The following PRKDC variants were observed in gnomAD, a reference collection of about 807,000 sequenced individuals.
PRKDC encodes the protein protein kinase, DNA-activated, catalytic subunit, also known as DNA-dependent protein kinase catalytic subunit.
PRKDC carries 82 observed loss-of-function variants against 486.9 expected under a neutral mutation model. The observed-to-expected ratio is 0.17, with a 90% CI of 0.14 to 0.20. PRKDC has a LOEUF of 0.20. Ranked by LOEUF, PRKDC falls within the 10% of genes least tolerant of loss-of-function variation. The pLI is 1.00. For synonymous variants in PRKDC, 1,895 were observed against 1,837.0 expected (o/e 1.03, Z -0.81); for missense variants, 4,504 against 5,038.2 (o/e 0.89, Z 3.21).
At chr8:47,781,117 C>A (rs2086691885) in intron 80 of PRKDC, among the ~76,000 whole-genome samples, 1 of 152,204 alleles carries the variant, frequency 6.6e-6, no homozygotes, top group Non-Finnish European at 1.5e-5. Flanking sequence ...CGCTACCATT[C>A]CATCCCACAA....
chr8:47,889,259 C>A, intron 32 of PRKDC, 37 bp from the exon 33 acceptor site: 1 of 1,529,000 alleles, frequency 6.5e-7, no homozygotes, highest in Non-Finnish European at 8.8e-7. Context: ...CTTCGTCAGC[C>A]AGCACTTCTA....
chr8:47,957,414 C>A lies in PRKDC; in HGVS notation c.172G>T (p.Val58Phe). ...AGCAAACCGAAATCTCTGGAAAAAA[C>A]TAAAGATGTCTGTAATGCTGTTCAA... ...PAVLALQTSL[V>F]FSRDFGLLVF... Residue 58 changes from valine (V) to phenylalanine (F), a missense_variant, in exon 2 of 86, where the codon GTT (valine) becomes TTT (phenylalanine). By Grantham distance (50) the Val-to-Phe change is conservative. Around this residue, in one of 6 missense-constraint regions of PRKDC, gnomAD observed 145 missense variants for 136.3 expected, o/e 1.06. Coordinates refer to ENST00000314191, the MANE Select transcript of PRKDC (RefSeq NM_006904.7). The A allele has an allele frequency of 6.3e-7, 1 of 1,584,830 alleles. No individual in the cohort carries two copies. Among genetic ancestry groups the A allele is most frequent in the Non-Finnish European group, 8.6e-7 (1 of 1,164,406 alleles).
intron 1 of PRKDC, among the ~76,000 whole-genome samples, chr8:47,957,645 G>A (rs2090728926): frequency 6.6e-6 from 1 of 152,120 alleles, no homozygotes; most frequent in South Asian, 2.1e-4. Context: ...CAAGTAGCTG[G>A]GACTAAAGGT....
chr8:47,834,058 G>C, intron 59 of PRKDC, 138 bp downstream of exon 59: 1 of 1,105,334 alleles, frequency 9.0e-7, no homozygotes, highest in Non-Finnish European at 1.3e-6. Context: ...GAGTGCCTAG[G>C]CAACATTAAC....
intron 7 of PRKDC, among the ~76,000 whole-genome samples, chr8:47,945,225 C>T (rs2090512423): frequency 6.6e-6 from 1 of 152,184 alleles, no homozygotes; most frequent in Non-Finnish European, 1.5e-5. Flanking sequence ...CCTGTAGAAG[C>T]ATGGTCTTGT....
At chr8:47,798,807 GTCTC>G (rs1363154851) in intron 72 of PRKDC, among the ~76,000 whole-genome samples, 12 of 152,110 alleles carry the variant, frequency 7.9e-5, no homozygotes, top group Non-Finnish European at 1.3e-4. Flanking sequence ...AGAGGCCATT[GTCTC>G]TCTCTTTTTT....
At chr8:47,918,746 C>G (rs758591987) in intron 21 of PRKDC, among the ~76,000 whole-genome samples, 1 of 152,122 alleles carries the variant, frequency 6.6e-6, no homozygotes, top group Non-Finnish European at 1.5e-5. Context: ...ATCCACAAAT[C>G]TTACTAATAC....
chr8:47,860,858 A>G (rs999108539), intron 45 of PRKDC, 41 bp downstream of exon 45: 1 of 1,479,584 alleles, frequency 6.8e-7, no homozygotes, highest in African/African-American at 1.4e-5. Flanking sequence ...AAAATAACCC[A>G]TCGATTTGAA....
intron 54 of PRKDC, among the ~76,000 whole-genome samples, chr8:47,846,172 T>C (rs745414018): frequency 1.3e-5 from 2 of 152,122 alleles, no homozygotes; most frequent in South Asian, 2.1e-4. Flanking sequence ...TCCTAGCACT[T>C]TGGGAAGCTG....
intron 11 of PRKDC, among the ~76,000 whole-genome samples, chr8:47,936,980 G>A (rs1027483639): frequency 6.6e-6 from 1 of 150,990 alleles, no homozygotes; most frequent in Non-Finnish European, 1.5e-5. Context: ...CTGGCCGGGT[G>A]CGGCGGCCCA....
intron 34 of PRKDC, 79 bp from the exon 35 acceptor site, chr8:47,887,784 A>T: frequency 4.2e-6 from 6 of 1,422,962 alleles, no homozygotes; most frequent in Non-Finnish European, 5.6e-6. Context: ...CTCATTAAAT[A>T]AAAAACCCAC....
chr8:47,874,106 G>C (rs912595812), intron 40 of PRKDC, among the ~76,000 whole-genome samples: 1 of 151,312 alleles, frequency 6.6e-6, no homozygotes, highest in Non-Finnish European at 1.5e-5. Context: ...ACCACGCCCG[G>C]CTAATTTTTT....
chr8:47,863,965 G>GAT (rs1274326912), intron 41 of PRKDC, among the ~76,000 whole-genome samples: 1 of 152,152 alleles, frequency 6.6e-6, no homozygotes, highest in Non-Finnish European at 1.5e-5. Context: ...GAGGCTGAGT[G>GAT]ATACATCCTG....
rs1291037783 is a variant in PRKDC at position 47,855,395 on chromosome 8, G to T, written c.6610-22C>A. 3.2e-6 allele frequency: 5 copies of T among 1,559,994 alleles called. No individual in the cohort carries two copies. The East Asian group carries it at 6.9e-5, about 21-fold the overall frequency. ...CCCCCTGAAAAGGTACAGAAATTCT[G>T]TATTAATATGCGGCATTCCATTCTG... is the stretch of plus-strand genomic sequence containing the variant. On this transcript the variant is annotated intron_variant, in intron 49 of 85. Transcript: ENST00000314191.
Position 47,836,496 on chromosome 8 carries a change from C to T in PRKDC, c.7793G>A (p.Arg2598Gln), listed in dbSNP as rs55923149. The change falls in exon 58 of 86, where the codon CGA (arginine) becomes CAA (glutamine). Residue 2598 changes from arginine (R) to glutamine (Q), a missense_variant. By Grantham distance (43) the Arg-to-Gln change is conservative. Transcript: ENST00000314191. ...EYTIDSDWRF[R>Q]STVLTPMFVE... ...AAACATCGGAGTGAGAACAGTACTT[C>T]GGAAACGCCAATCAGAATCAATGGT... The T allele has an allele frequency of 1.9e-5, 30 of 1,607,110 alleles. No homozygotes were observed. Among genetic ancestry groups the T allele is most frequent in the South Asian group, 2.2e-5 (2 of 89,802 alleles).
chr8:47,778,440 G>A lies in PRKDC; in HGVS notation c.11853+19C>T, dbSNP rs769455587. Reference sequence around the variant, plus strand: ...TGACTCTCGCCTTGCCCAGGATCACGAGAGCACAGCAAGTGCACCTGTGTA... The same window carrying A: ...TGACTCTCGCCTTGCCCAGGATCACAAGAGCACAGCAAGTGCACCTGTGTA... On this transcript the variant is annotated intron_variant, in intron 83 of 85. Coordinates refer to ENST00000314191, the MANE Select transcript of PRKDC (RefSeq NM_006904.7). The A allele has an allele frequency of 1.1e-5, 17 of 1,606,698 alleles. No individual in the cohort carries two copies. The highest frequency in any genetic ancestry group is 2.7e-5 in the African/African-American group (2 of 74,718).
At chr8:47,862,296 A>T (rs963902280) in intron 43 of PRKDC, 77 bp downstream of exon 43, 1 of 1,462,448 alleles carries the variant, frequency 6.8e-7, no homozygotes, top group Non-Finnish European at 9.4e-7. Context: ...GGTATAAATT[A>T]TCTGTAAGTT....
In PRKDC at chr8:47,774,030, T is replaced by G; in HGVS notation, c.*143A>C. On this transcript the variant is annotated 3_prime_UTR_variant, in exon 86 of 86. Transcript: ENST00000314191. ...CACATTTACTCATCATAATCTTGAT[T>G]TAAACTCATGCTACGAAACTGTAGC... The G allele has an allele frequency of 1.2e-6, 1 of 817,312 alleles. No homozygotes were observed. The highest frequency in any genetic ancestry group is 1.9e-6 in the Non-Finnish European group (1 of 537,734). 50.6% of individuals were successfully genotyped at this position (817,312 alleles called of 1,614,324 possible).
At chr8:47,777,978 A>C (rs1478993794) in intron 83 of PRKDC, 104 bp from the exon 84 acceptor site, 1 of 1,063,774 alleles carries the variant, frequency 9.4e-7, no homozygotes, top group African/African-American at 1.6e-5. Context: ...ACATTTAGTA[A>C]AAATACAGAC....
Sources: allele counts gnomAD v4.1 joint callset (sites outside exome capture counted in the v4.1 genomes callset), GRCh38; gene constraint gnomAD v4.1.1; regional missense constraint gnomAD v4.1.1; transcripts MANE v1.5; gene names NCBI Gene and HGNC (gene_info 2026-07-23, HGNC 2026-07-21).